The following FKBP9 variants were observed in gnomAD, a reference collection of about 807,000 sequenced individuals.
The protein encoded by FKBP9 is peptidyl-prolyl cis-trans isomerase FKBP9.
A neutral mutation model predicts 55.6 loss-of-function variants in FKBP9; 27 were observed. That is an observed-to-expected ratio of 0.49 (90% CI 0.36 to 0.67). The LOEUF (loss-of-function observed/expected upper bound fraction) is 0.67, where lower values mean the gene tolerates loss of function less well. Among genes scored for constraint, FKBP9 ranks in the 30% least tolerant of loss-of-function variants. The pLI is 0.00. For missense variants in FKBP9, 539 were observed against 742.8 expected, an observed-to-expected ratio of 0.73 and a Z score of 3.19; for synonymous variants, 267 against 296.5, an observed-to-expected ratio of 0.90 and a Z score of 1.02.
intron 4 of FKBP9, among the ~76,000 whole-genome samples, chr7:32,977,756 T>C (rs569381665): frequency 6.7e-6 from 1 of 149,410 alleles, no homozygotes; most frequent in East Asian, 2.0e-4. Flanking sequence ...CCTGAGGTGA[T>C]GGGGCTCAGC....
At chr7:32,964,396 A>G (rs1414758453) in intron 1 of FKBP9, among the ~76,000 whole-genome samples, 1 of 152,234 alleles carries the variant, frequency 6.6e-6, no homozygotes, top group Non-Finnish European at 1.5e-5. Context: ...CTGACATTTT[A>G]ATTTGTGCAG....
At chr7:32,992,298 C>G (rs967585192) in intron 6 of FKBP9, among the ~76,000 whole-genome samples, 10 of 148,780 alleles carry the variant, frequency 6.7e-5, no homozygotes. Flanking sequence ...ACCCACCCCC[C>G]TCAGAGGAAA....
At position 32,974,978 on chromosome 7, in the gene FKBP9, C is replaced by A; in HGVS notation, c.368-204C>A. On this transcript the variant is annotated intron_variant, in intron 2 of 9. Transcript: ENST00000242209. ...ACACAGATGTACTGAATGATACCCT[C>A]AATGAGAAGAAGACTGTTTTTTCTC... The A allele has an allele frequency of 6.3e-6, 4 of 636,134 alleles. 1 individual carries two copies. Among genetic ancestry groups the A allele is most frequent in the Non-Finnish European group, 1.1e-5 (4 of 368,284 alleles). 39.4% of individuals were successfully genotyped at this position (636,134 alleles called of 1,614,324 possible). A position where few individuals can be genotyped will look rare whatever the true frequency, so the allele number is the denominator to read the frequency against.
At chr7:32,969,668 T>A (rs1784216574) in intron 1 of FKBP9, among the ~76,000 whole-genome samples, 1 of 152,202 alleles carries the variant, frequency 6.6e-6, no homozygotes, top group Admixed American at 6.5e-5. Context: ...CCTCCAGTTT[T>A]GTTCTTCTTT....
In FKBP9 at chr7:32,996,311, C is replaced by A. The variant is rs1784784211; in HGVS notation, c.1188C>A (p.Tyr396Ter). 1 of 1,613,840 alleles carries A rather than the reference C, an allele frequency of 6.2e-7. No homozygotes were observed. The highest frequency in any genetic ancestry group is 1.3e-5 in the African/African-American group (1 of 74,918). ...AGGGAGATTACCTCAAATATCACTA[C>A]AATGCCTCACTTCTGGATGGGACCC... ...SKKGDYLKYH[Y>*]NASLLDGTLL... Residue 396 changes from tyrosine to a stop codon, truncating the protein, a stop_gained, in exon 7 of 10, where the codon TAC becomes TAA. Transcript: ENST00000242209. LOFTEE classifies it high-confidence loss of function.
intron 1 of FKBP9, among the ~76,000 whole-genome samples, chr7:32,964,922 A>G (rs558656477): frequency 6.6e-6 from 1 of 152,250 alleles, no homozygotes; most frequent in East Asian, 1.9e-4. Flanking sequence ...CTAGGCGGCC[A>G]GTGGGGAGGT....
chr7:32,972,590 A>C lies in FKBP9; in HGVS notation c.222-2027A>C, dbSNP rs184102451. 8.7e-3 allele frequency among the ~76,000 whole-genome samples: 1,325 copies of C among 152,322 alleles called. 17 individuals are homozygous for C. Among genetic ancestry groups the C allele is most frequent in the Admixed American group, 0.014 (212 of 15,294 alleles). On this transcript the variant is annotated intron_variant, in intron 1 of 9. Transcript: ENST00000242209. ...AGTAAGATAATTAAAGAGAAAACAA[A>C]TTCAGTCACCTGAAGTCCTCTACCT... is the stretch of plus-strand genomic sequence containing the variant.
At chr7:32,977,878 T>TATACTC (rs1476667643) in intron 4 of FKBP9, among the ~76,000 whole-genome samples, 1 of 140,632 alleles carries the variant, frequency 7.1e-6, no homozygotes, top group Non-Finnish European at 1.5e-5. Flanking sequence ...CCCATATATA[T>TATACTC]ATATGTATAT....
intron 5 of FKBP9, among the ~76,000 whole-genome samples, chr7:32,980,872 C>T (rs909034189): frequency 6.6e-6 from 1 of 151,792 alleles, no homozygotes; most frequent in East Asian, 1.9e-4. Context: ...GTAGCTAGGA[C>T]GATAGGCGTG....
chr7:32,974,478 G>C (rs1417370762), intron 1 of FKBP9, 139 bp from the exon 2 acceptor site: 4 of 646,144 alleles, frequency 6.2e-6, no homozygotes, highest in South Asian at 1.9e-5. Flanking sequence ...AGATGTTCCT[G>C]TATCAGTAAC....
intron 1 of FKBP9, among the ~76,000 whole-genome samples, chr7:32,971,741 G>C (rs969550354): frequency 2.0e-5 from 3 of 152,194 alleles, no homozygotes; most frequent in African/African-American, 7.2e-5. Context: ...CCTGACCCTG[G>C]AGTGTGAGAT....
At chr7:32,984,818 A>T (rs1233154843) in intron 5 of FKBP9, among the ~76,000 whole-genome samples, 1 of 152,240 alleles carries the variant, frequency 6.6e-6, no homozygotes, top group Non-Finnish European at 1.5e-5. Flanking sequence ...AACATCCGTC[A>T]TGAATGACTC....
chr7:32,973,659 AAAATG>A (rs2127979789), intron 1 of FKBP9, among the ~76,000 whole-genome samples: 1 of 150,042 alleles, frequency 6.7e-6, no homozygotes, highest in African/African-American at 2.5e-5. Flanking sequence ...AATCATATAG[AAAATG>A]AAATGAAGTT....
At chr7:32,986,967 A>AATTG (rs1304588398) in intron 5 of FKBP9, among the ~76,000 whole-genome samples, 2 of 152,132 alleles carry the variant, frequency 1.3e-5, no homozygotes, top group African/African-American at 4.8e-5. Context: ...TGCTGTGGGG[A>AATTG]ATTGATTCCT....
intron 1 of FKBP9, among the ~76,000 whole-genome samples, chr7:32,974,199 C>CGGG (rs67448965): frequency 2.7e-5 from 4 of 147,728 alleles, no homozygotes; most frequent in African/African-American, 1.0e-4. Context: ...TTAGTAGAGG[C>CGGG]GGGGGGGCCT....
intron 7 of FKBP9, among the ~76,000 whole-genome samples, chr7:32,998,910 A>G (rs1170620853): frequency 6.6e-6 from 1 of 152,232 alleles, no homozygotes; most frequent in African/African-American, 2.4e-5. Flanking sequence ...CAGAGATGAC[A>G]CATGACAACA....
In FKBP9 at chr7:32,965,830, T is replaced by TGTGTACAC. The variant is rs1554284313; in HGVS notation, c.221+8036_221+8037insGTGTACAC. Among the ~76,000 whole-genome samples, 16 of 29,376 alleles carry TGTGTACAC rather than the reference T, an allele frequency of 5.4e-4. 1 individual carries two copies. Among genetic ancestry groups the TGTGTACAC allele is most frequent in the African/African-American group, 1.6e-3 (15 of 9,402 alleles). The allele number at this position is 29,376 out of a possible 152,430, so 19.3% of individuals were successfully genotyped here. On this transcript the variant is annotated intron_variant, in intron 1 of 9. Coordinates refer to ENST00000242209, the MANE Select transcript of FKBP9 (RefSeq NM_007270.5). Reference sequence around the variant, plus strand: ...AAAAAAAAATATATATATATATATATATATATATATATATGTGTGTACAGA... The same window carrying TGTGTACAC: ...AAAAAAAAATATATATATATATATATGTGTACACATATATATATATATGTGTGTACAGA...
intron 5 of FKBP9, among the ~76,000 whole-genome samples, chr7:32,982,523 G>A (rs1349083150): frequency 6.6e-6 from 1 of 152,168 alleles, no homozygotes; most frequent in Non-Finnish European, 1.5e-5. Flanking sequence ...CCCATTGGGT[G>A]AGTATATTGT....
At chr7:32,979,170 G>A (rs1784417698) in intron 4 of FKBP9, among the ~76,000 whole-genome samples, 1 of 152,106 alleles carries the variant, frequency 6.6e-6, no homozygotes, top group Non-Finnish European at 1.5e-5. Flanking sequence ...TCGGGAAGCT[G>A]AGGCAGGAGA....
Sources: allele counts gnomAD v4.1 joint callset (sites outside exome capture counted in the v4.1 genomes callset), GRCh38; gene constraint gnomAD v4.1.1; transcripts MANE v1.5; gene names NCBI Gene and HGNC (gene_info 2026-07-23, HGNC 2026-07-21).